Variants in ACACB observed in about 807,000 individuals in gnomAD.
ACACB encodes the protein acetyl-CoA carboxylase 2.
ACACB carries 209 observed loss-of-function variants against 278.8 expected under a neutral mutation model. The observed-to-expected ratio is 0.75, with a 90% CI of 0.67 to 0.84. The LOEUF is 0.84. ACACB is among the 40% of genes least tolerant of loss of function. The pLI is 0.00. For synonymous variants in ACACB, 1,174 were observed against 1,285.6 expected, an observed-to-expected ratio of 0.91 and a Z score of 1.86; for missense variants, 2,850 against 3,269.0, an observed-to-expected ratio of 0.87 and a Z score of 3.13.
intron 11 of ACACB, among the ~76,000 whole-genome samples, chr12:109,185,220 G>C (rs2044612482): frequency 6.6e-6 from 1 of 152,144 alleles, no homozygotes; most frequent in South Asian, 2.1e-4. Flanking sequence ...CCCTTCGGGT[G>C]CCCTTTACAA....
chr12:109,207,167 G>T (rs77945169), intron 20 of ACACB, among the ~76,000 whole-genome samples: 12,779 of 152,150 alleles, frequency 0.084, 652 homozygotes, highest in African/African-American at 0.14. Flanking sequence ...TGTTCCCCAC[G>T]CTGGTCTTGA....
chr12:109,143,216 C>T (rs2043161978), intron 2 of ACACB, among the ~76,000 whole-genome samples: 1 of 151,888 alleles, frequency 6.6e-6, no homozygotes, highest in Admixed American at 6.6e-5. Flanking sequence ...AATTCCAGCA[C>T]TTTGGGTGGC....
intron 2 of ACACB, among the ~76,000 whole-genome samples, chr12:109,141,878 C>T (rs894131453): frequency 2.0e-5 from 3 of 152,130 alleles, no homozygotes; most frequent in Non-Finnish European, 2.9e-5. Context: ...CTCTGCCACC[C>T]CCTACTGTGT....
chr12:109,139,842 C>T lies in ACACB; in HGVS notation c.437C>T (p.Ser146Phe). The change falls in exon 2 of 53, where the codon TCC becomes TTC. Residue 146 changes from serine to phenylalanine, a missense_variant. Physicochemically the swap from Ser to Phe is radical, Grantham distance 155 (BLOSUM62 -2). Coordinates refer to ENST00000338432, the MANE Select transcript of ACACB (RefSeq NM_001093.4). ...AGGCCCCAGGGCCAGCAAGCTGGCT[C>T]CCCCTCCAAAGAAGACAAGAAGCAG... ...SARPQGQQAGSPSKEDKKQAN... is the reference protein window; with the variant it reads ...SARPQGQQAGFPSKEDKKQAN... 3 of 1,614,146 alleles carry T rather than the reference C, an allele frequency of 1.9e-6. No individual in the cohort carries two copies. The highest frequency in any genetic ancestry group is 2.5e-6 in the Non-Finnish European group (3 of 1,180,010).
At chr12:109,219,514 C>G (rs2046100557) in intron 24 of ACACB, among the ~76,000 whole-genome samples, 1 of 152,064 alleles carries the variant, frequency 6.6e-6, no homozygotes, top group East Asian at 1.9e-4. Context: ...TGTGGGAAAC[C>G]TAAATGTGCA....
At chr12:109,183,040 T>G (rs2044533320) in intron 11 of ACACB, among the ~76,000 whole-genome samples, 1 of 152,214 alleles carries the variant, frequency 6.6e-6, no homozygotes, top group African/African-American at 2.4e-5. Flanking sequence ...TCGAAGAGAC[T>G]TTTTCCCCAT....
chr12:109,182,684 TA>T (rs1457411753), intron 11 of ACACB, among the ~76,000 whole-genome samples: 1 of 152,240 alleles, frequency 6.6e-6, no homozygotes, highest in Non-Finnish European at 1.5e-5. Flanking sequence ...GCTTCTTATG[TA>T]TTCTGGTTAT....
rs550946472 is a variant in ACACB, at chr12:109,151,935, C to T, written c.653+11877C>T. 1.5e-3 allele frequency among the ~76,000 whole-genome samples: 228 copies of T among 152,280 alleles called. 1 individual carries two copies. Among genetic ancestry groups the T allele is most frequent in the African/African-American group, 5.2e-3 (214 of 41,550 alleles). ...ATGGCAGAAACTGCAATTAGTTTTG[C>T]ACCGACTGAATATTATTCATTTCTT... On this transcript the variant is annotated intron_variant, in intron 2 of 52. Coordinates refer to ENST00000338432, the MANE Select transcript of ACACB (RefSeq NM_001093.4).
At chr12:109,124,680 CT>C (rs2042634334) in intron 1 of ACACB, among the ~76,000 whole-genome samples, 1 of 152,048 alleles carries the variant, frequency 6.6e-6, no homozygotes, top group Admixed American at 6.6e-5. Flanking sequence ...CTTATTAGCT[CT>C]TGTTGTTTTT....
chr12:109,215,774 A>C (rs1481416691), intron 22 of ACACB, among the ~76,000 whole-genome samples: 1 of 152,130 alleles, frequency 6.6e-6, no homozygotes, highest in East Asian at 1.9e-4. Context: ...TCAAAAAAAA[A>C]AATGTATTTT....
At chr12:109,193,803 AT>A in intron 16 of ACACB, 74 bp downstream of exon 16, 10 of 1,340,732 alleles carry the variant, frequency 7.5e-6, no homozygotes, top group Non-Finnish European at 1.1e-5. Context: ...TCCATGAACC[AT>A]CCCTGGAGTG....
At chr12:109,176,064 C>A (rs904166289) in intron 8 of ACACB, 24 bp downstream of exon 8, 8 of 1,612,556 alleles carry the variant, frequency 5.0e-6, no homozygotes, top group Non-Finnish European at 6.8e-6. Flanking sequence ...CTGTGGGGGC[C>A]AGGGGAGCCA....
intron 24 of ACACB, among the ~76,000 whole-genome samples, chr12:109,218,771 C>CTTT (rs147342736): frequency 7.4e-6 from 1 of 135,598 alleles, no homozygotes; most frequent in Non-Finnish European, 1.6e-5. Flanking sequence ...TTCTATCTAT[C>CTTT]TTTTTTTTTT....
At chr12:109,198,933 A>G (rs555796066) in intron 17 of ACACB, among the ~76,000 whole-genome samples, 1 of 152,146 alleles carries the variant, frequency 6.6e-6, no homozygotes, top group East Asian at 1.9e-4. Context: ...CACGTCTGTA[A>G]TCCCAGCACT....
At chr12:109,116,308 A>G (rs558256282), upstream of ACACB, among the ~76,000 whole-genome samples, 3 of 152,292 alleles carry the variant, frequency 2.0e-5, no homozygotes, top group South Asian at 2.1e-4. Context: ...TCAGCATGTC[A>G]CAGGAGGGCC....
chr12:109,147,714 C>T (rs1160659805), intron 2 of ACACB, among the ~76,000 whole-genome samples: 1 of 152,088 alleles, frequency 6.6e-6, no homozygotes, highest in East Asian at 1.9e-4. Context: ...CTGCTAAATA[C>T]ATGAATGAAA....
intron 47 of ACACB, 58 bp downstream of exon 47, chr12:109,259,166 A>T: frequency 1.3e-6 from 2 of 1,583,424 alleles, no homozygotes; most frequent in Non-Finnish European, 1.7e-6. Flanking sequence ...CCAGGACAGC[A>T]CCCTCTGGGT....
In ACACB at chr12:109,185,700, A is replaced by T. The variant is rs1239449209; in HGVS notation, c.1940A>T (p.His647Leu). Residue 647 changes from histidine (H) to leucine (L), a missense_variant, in exon 12 of 53, where the codon CAC (histidine) becomes CTC (leucine). By Grantham distance (99) the His-to-Leu change is moderately conservative. Coordinates refer to ENST00000338432, the MANE Select transcript of ACACB (RefSeq NM_001093.4). Reference sequence around the variant, plus strand: ...TCAAACCCTCCCCTCGCCCGAGGCCACGTCATTGCCGCCAGAATCACCAGC... The same window carrying T: ...TCAAACCCTCCCCTCGCCCGAGGCCTCGTCATTGCCGCCAGAATCACCAGC... ...TPSNPPLARGHVIAARITSEN... is the reference protein window; with the variant it reads ...TPSNPPLARGLVIAARITSEN... 6.2e-7 allele frequency: 1 copy of T among 1,612,588 alleles called. No homozygotes were observed. The highest frequency in any genetic ancestry group is 8.5e-7 in the Non-Finnish European group (1 of 1,179,220).
rs994909674 is a variant in ACACB at position 109,264,462 on chromosome 12, G to A, written c.6942+76G>A. 20 of 1,561,032 alleles carry A rather than the reference G, an allele frequency of 1.3e-5. 1 individual carries two copies. The African/African-American group carries it at 2.2e-4, about 17-fold the overall frequency. On this transcript the variant is annotated intron_variant, in intron 50 of 52. Coordinates refer to ENST00000338432, the MANE Select transcript of ACACB (RefSeq NM_001093.4). ...AAAACATGGAGGACATTTGGGCTCG[G>A]GGGCGGGGAGGGCGGTGGTGGTTGG...
Sources: allele counts gnomAD v4.1 joint callset (sites outside exome capture counted in the v4.1 genomes callset), GRCh38; gene constraint gnomAD v4.1.1; transcripts MANE v1.5; gene names NCBI Gene and HGNC (gene_info 2026-07-23, HGNC 2026-07-21).